Variants in NRN1 observed in about 807,000 individuals in gnomAD.
NRN1 encodes neuritin 1, also known as neuritin.
NRN1 carries 4 observed loss-of-function variants against 15.0 expected under a neutral mutation model. That is an observed-to-expected ratio of 0.27 (90% CI 0.13 to 0.61). The LOEUF (loss-of-function observed/expected upper bound fraction) is 0.61. NRN1 is among the 20% of genes least tolerant of loss of function. The pLI, the probability that NRN1 is intolerant of heterozygous loss-of-function variation, is 0.87. For missense variants in NRN1, 134 were observed against 181.9 expected, an observed-to-expected ratio of 0.74 and a Z score of 1.51; for synonymous variants, 85 against 79.8, an observed-to-expected ratio of 1.07 and a Z score of -0.35.
In NRN1 at chr6:6,002,518, C is replaced by T. The variant is rs777177068; in HGVS notation, c.56-21G>A. ...ATACGCTGCGGGGAGGAGGGAACAC[C>T]GGTCAGCAGCGCCACGACCCCGCCC... On this transcript the variant is annotated intron_variant, in intron 1 of 2. Transcript: ENST00000244766. 1.1e-5 allele frequency: 18 copies of T among 1,604,810 alleles called. No individual in the cohort carries two copies. The East Asian group carries it at 3.6e-4, about 32-fold the overall frequency.
At chr6:6,007,484 T>C (rs1758139356), upstream of NRN1, 1 of 152,596 alleles carries the variant, frequency 6.6e-6, no homozygotes, top group Non-Finnish European at 1.5e-5. Flanking sequence ...TGCGCTTGCC[T>C]ACCCTCTTTT....
intron 1 of NRN1, chr6:6,003,189 T>G: frequency 8.1e-7 from 1 of 1,233,872 alleles, no homozygotes. Context: ...GTATTCCGAG[T>G]GAGACCCTCG....
intron 1 of NRN1, chr6:6,003,143 G>A: frequency 1.7e-6 from 2 of 1,186,708 alleles, no homozygotes; most frequent in Non-Finnish European, 2.1e-6. Flanking sequence ...GAAATGGATT[G>A]TTTCATTATA....
intron 1 of NRN1, among the ~76,000 whole-genome samples, chr6:6,006,220 T>A (rs951333473): frequency 6.6e-6 from 1 of 152,202 alleles, no homozygotes; most frequent in South Asian, 2.1e-4. Flanking sequence ...GGCGGGAGAA[T>A]GACAAAGTTC....
chr6:5,998,900 C>T lies in NRN1; in HGVS notation c.*76G>A. The T allele has an allele frequency of 9.8e-7, 1 of 1,019,846 alleles. No homozygotes were observed. Among genetic ancestry groups the T allele is most frequent in the Non-Finnish European group, 1.5e-6 (1 of 676,800 alleles). The allele number at this position is 1,019,846 out of a possible 1,614,324, so 63.2% of individuals were successfully genotyped here. A position where few individuals can be genotyped will look rare whatever the true frequency, so the allele number is the denominator to read the frequency against. Reference sequence around the variant, plus strand: ...AGAGAATCACAACGTCCCCAAAGAACTAATGGATCTTCCTCTCGATTTCCG... The same window carrying T: ...AGAGAATCACAACGTCCCCAAAGAATTAATGGATCTTCCTCTCGATTTCCG... On this transcript the variant is annotated 3_prime_UTR_variant, in exon 3 of 3. Transcript: ENST00000244766.
chr6:6,003,306 T>A (rs1582993289), intron 1 of NRN1: 2 of 1,205,114 alleles, frequency 1.7e-6, no homozygotes, highest in East Asian at 6.3e-5. Context: ...CCGGGCGGGG[T>A]CACGGATGAG....
intron 2 of NRN1, 59 bp downstream of exon 2, chr6:6,002,294 T>A (rs1757970218): frequency 1.3e-6 from 2 of 1,591,190 alleles, no homozygotes; most frequent in African/African-American, 2.7e-5. Flanking sequence ...GGCTCGGCAC[T>A]CTCCGACCTC....
At chr6:6,003,185 C>T in intron 1 of NRN1, 20 of 1,234,236 alleles carry the variant, frequency 1.6e-5, no homozygotes, top group Non-Finnish European at 2.0e-5. Flanking sequence ...CTCTGTATTC[C>T]GAGTGAGACC....
intron 1 of NRN1, 134 bp downstream of exon 1, chr6:6,006,561 C>T (rs1561906006): frequency 2.6e-6 from 2 of 762,490 alleles, no homozygotes; most frequent in Non-Finnish European, 2.3e-6. Flanking sequence ...GGAACTGATG[C>T]CCCCACCCTC....
intron 1 of NRN1, among the ~76,000 whole-genome samples, chr6:6,004,791 C>G (rs1758064404): frequency 6.6e-6 from 1 of 152,110 alleles, no homozygotes; most frequent in Non-Finnish European, 1.5e-5. Context: ...TGGCTCCTTC[C>G]CTGTCCTCTC....
intron 1 of NRN1, chr6:6,004,011 C>G: frequency 8.3e-7 from 1 of 1,204,546 alleles, no homozygotes; most frequent in South Asian, 4.3e-5. Flanking sequence ...GAGCGCCGGG[C>G]CAGACGCCGA....
chr6:6,003,759 G>C (rs537387303), intron 1 of NRN1: 2 of 1,234,242 alleles, frequency 1.6e-6, no homozygotes, highest in South Asian at 4.1e-5. Flanking sequence ...CGACGAACCC[G>C]GCTGGAAGCT....
chr6:5,999,554 G>C (rs535601079), intron 2 of NRN1, among the ~76,000 whole-genome samples: 29 of 152,348 alleles, frequency 1.9e-4, no homozygotes, highest in African/African-American at 6.7e-4. Context: ...CGCCCTCCTC[G>C]GGGAAAGCTA....
chr6:6,004,212 C>A (rs1244623490), intron 1 of NRN1, among the ~76,000 whole-genome samples: 1 of 152,196 alleles, frequency 6.6e-6, no homozygotes, highest in Non-Finnish European at 1.5e-5. Context: ...CACCTTACAG[C>A]GAACATTAAA....
At chr6:6,001,452 T>C (rs1017251164) in intron 2 of NRN1, among the ~76,000 whole-genome samples, 4 of 152,172 alleles carry the variant, frequency 2.6e-5, no homozygotes, top group African/African-American at 9.7e-5. Flanking sequence ...TTGCTGCAGG[T>C]CCACTGCAGT....
intron 2 of NRN1, among the ~76,000 whole-genome samples, chr6:6,001,274 A>T (rs1440353064): frequency 1.3e-5 from 2 of 152,192 alleles, no homozygotes; most frequent in African/African-American, 2.4e-5. Flanking sequence ...TATACAAATG[A>T]TGCCACAGAA....
chr6:6,002,303 T>C, intron 2 of NRN1, 50 bp downstream of exon 2: 1 of 1,601,608 alleles, frequency 6.2e-7, no homozygotes, highest in Non-Finnish European at 8.5e-7. Context: ...CTCTCCGACC[T>C]CAGTAGCGCC....
chr6:6,005,621 C>T (rs2151034669), intron 1 of NRN1, among the ~76,000 whole-genome samples: 1 of 152,344 alleles, frequency 6.6e-6, no homozygotes, highest in East Asian at 1.9e-4. Context: ...ACCCCCTCCC[C>T]CAATACTGCA....
chr6:6,004,357 A>G (rs1358795187), intron 1 of NRN1, among the ~76,000 whole-genome samples: 1 of 152,150 alleles, frequency 6.6e-6, no homozygotes, highest in African/African-American at 2.4e-5. Context: ...CATGTCACAA[A>G]TACAGCTTTG....
Sources: gnomAD v4.1 joint callset for allele counts (sites outside exome capture counted in the v4.1 genomes callset) on GRCh38, gnomAD v4.1.1 for gene constraint, MANE v1.5 for transcripts, NCBI Gene and HGNC (gene_info 2026-07-23, HGNC 2026-07-21) for gene names.